Variants in PRR16 observed in about 807,000 individuals in gnomAD.
PRR16 encodes the protein protein Largen.
Under a neutral mutation model 18.2 loss-of-function variants are expected in PRR16, and 6 were observed. The observed-to-expected ratio is 0.33, with a 90% CI of 0.18 to 0.65. The LOEUF is 0.65. Ranked by LOEUF, PRR16 falls within the 30% of genes least tolerant of loss-of-function variation. The probability of loss-of-function intolerance (pLI) is 0.74; values close to 1 mark genes in which losing one functional copy is unlikely to be tolerated. For synonymous variants in PRR16, 151 were observed against 147.8 expected, an observed-to-expected ratio of 1.02 and a Z score of -0.16; for missense variants, 412 against 376.6, an observed-to-expected ratio of 1.09 and a Z score of -0.78.
intron 1 of PRR16, among the ~76,000 whole-genome samples, chr5:120,573,418 A>T (rs1466995531): frequency 4.6e-5 from 7 of 152,198 alleles, no homozygotes; most frequent in Non-Finnish European, 1.0e-4. Flanking sequence ...TCAACTGGCC[A>T]TAGTTCACAC....
intron 1 of PRR16, among the ~76,000 whole-genome samples, chr5:120,538,050 A>C (rs958645849): frequency 1.3e-5 from 2 of 152,130 alleles, no homozygotes; most frequent in Non-Finnish European, 2.9e-5. Flanking sequence ...TGCTGGGATT[A>C]CAGGCGTGAG....
At chr5:120,487,881 C>T (rs891280675) in intron 1 of PRR16, among the ~76,000 whole-genome samples, 1 of 152,126 alleles carries the variant, frequency 6.6e-6, no homozygotes, top group South Asian at 2.1e-4. Context: ...TTGTCAAAGG[C>T]CTTTTCTGCA....
At chr5:120,787,038 T>C in the PRR16 span, among the ~76,000 whole-genome samples, 2 of 152,160 alleles carry the variant, frequency 1.3e-5, no homozygotes, top group African/African-American at 4.8e-5. Context: ...AACCCGTTGA[T>C]ATGAAGAATG....
At chr5:120,527,711 A>G (rs1014366543) in intron 1 of PRR16, among the ~76,000 whole-genome samples, 1 of 152,176 alleles carries the variant, frequency 6.6e-6, no homozygotes, top group Non-Finnish European at 1.5e-5. Flanking sequence ...TTGCACTTGC[A>G]TGAGTGTTCT....
chr5:120,654,722 A>G (rs1755907547), intron 1 of PRR16, among the ~76,000 whole-genome samples: 1 of 152,022 alleles, frequency 6.6e-6, no homozygotes, highest in Non-Finnish European at 1.5e-5. Context: ...CTATGAAAAT[A>G]TGTAATAAAA....
the PRR16 span, among the ~76,000 whole-genome samples, chr5:120,755,903 G>C: frequency 6.6e-6 from 1 of 152,022 alleles, no homozygotes; most frequent in East Asian, 1.9e-4. Context: ...AGAGTGGGAG[G>C]GGGCTCAAGC....
In PRR16 at chr5:120,605,251, T is replaced by A. The variant is rs569017590; in HGVS notation, c.160-80703T>A. Among the ~76,000 whole-genome samples the A allele has an allele frequency of 2.0e-5, 3 of 152,314 alleles. 1 individual carries two copies. The highest frequency in any genetic ancestry group is 1.3e-4 in the Admixed American group (2 of 15,290). On this transcript the variant is annotated intron_variant, in intron 1 of 1. Coordinates refer to ENST00000407149, the MANE Select transcript of PRR16 (RefSeq NM_001300783.2). ...TTGGAGGTTTGTTCATTTCAAAAAATTTTTATTTTTTTCTACTTGAGTTGA... is the reference window on the plus strand; with the variant it reads ...TTGGAGGTTTGTTCATTTCAAAAAAATTTTATTTTTTTCTACTTGAGTTGA...
At chr5:120,651,284 T>C (rs956832297) in intron 1 of PRR16, among the ~76,000 whole-genome samples, 33 of 152,192 alleles carry the variant, frequency 2.2e-4, no homozygotes, top group African/African-American at 7.0e-4. Flanking sequence ...AGGTTGCCTG[T>C]TCACTCTGAT....
At chr5:120,693,477 T>C in the PRR16 span, among the ~76,000 whole-genome samples, 6 of 152,214 alleles carry the variant, frequency 3.9e-5, no homozygotes, top group East Asian at 1.2e-3. Flanking sequence ...AAATGCAAAA[T>C]GGATGAGGCA....
chr5:120,663,413 T>C lies in PRR16; in HGVS notation c.160-22541T>C, dbSNP rs181758033. On this transcript the variant is annotated intron_variant, in intron 1 of 1. Transcript: ENST00000407149. ...ATAAGTAAAAATCATGCATGTTTGC[T>C]GTTGAAAAGGTTAAAAAGGTTGAAC... Among the ~76,000 whole-genome samples, 442 of 152,022 alleles carry C rather than the reference T, an allele frequency of 2.9e-3. 2 individuals are homozygous for C. Among genetic ancestry groups the C allele is most frequent in the African/African-American group, 0.01 (422 of 41,528 alleles).
chr5:120,529,907 CTTT>C (rs540127776), intron 1 of PRR16, among the ~76,000 whole-genome samples: 1 of 149,960 alleles, frequency 6.7e-6, no homozygotes, highest in Non-Finnish European at 1.5e-5. Context: ...ATACAGCAGG[CTTT>C]TTTTTTCTTT....
intron 1 of PRR16, among the ~76,000 whole-genome samples, chr5:120,635,002 A>G (rs560356337): frequency 1.3e-5 from 2 of 152,266 alleles, no homozygotes; most frequent in African/African-American, 4.8e-5. Context: ...ACATACATAA[A>G]CTAGAAAACC....
At chr5:120,476,805 A>G (rs759843118) in intron 1 of PRR16, among the ~76,000 whole-genome samples, 1 of 152,148 alleles carries the variant, frequency 6.6e-6, no homozygotes, top group Non-Finnish European at 1.5e-5. Flanking sequence ...TCTTCTTTAC[A>G]AAAATAAAAA....
At position 120,642,095 on chromosome 5, in the gene PRR16, G is replaced by A. The variant is rs558857622; in HGVS notation, c.160-43859G>A. 1.3e-3 allele frequency among the ~76,000 whole-genome samples: 202 copies of A among 152,024 alleles called. 1 individual carries two copies. Among genetic ancestry groups the A allele is most frequent in the South Asian group, 2.3e-3 (11 of 4,814 alleles). ...ACCTCCCACACTTCTCTATTTATCC[G>A]TTCCTTTGCTCCTTCTTTTAGGCTG... On this transcript the variant is annotated intron_variant, in intron 1 of 1. Transcript: ENST00000407149.
the PRR16 span, among the ~76,000 whole-genome samples, chr5:120,701,369 A>G: frequency 6.6e-6 from 1 of 152,196 alleles, no homozygotes; most frequent in Non-Finnish European, 1.5e-5. Flanking sequence ...GGTTGCTGCC[A>G]AACAAGTCAT....
the PRR16 span, chr5:120,710,763 T>C: frequency 3.9e-5 from 6 of 152,276 alleles, no homozygotes; most frequent in South Asian, 6.2e-4. Context: ...TGGTGAGACA[T>C]TGAGAAAAGT....
At chr5:120,505,756 A>C (rs1450348676) in intron 1 of PRR16, among the ~76,000 whole-genome samples, 1 of 99,308 alleles carries the variant, frequency 1.0e-5, no homozygotes, top group Non-Finnish European at 2.3e-5. Flanking sequence ...TAAAACAAAT[A>C]AATTTTCATG....
chr5:120,489,939 G>T (rs1749965163), intron 1 of PRR16, among the ~76,000 whole-genome samples: 1 of 152,102 alleles, frequency 6.6e-6, no homozygotes, highest in Admixed American at 6.6e-5. Context: ...ATGAAATTCT[G>T]GGTTGAAAAT....
intron 1 of PRR16, among the ~76,000 whole-genome samples, chr5:120,562,203 C>G (rs1054268891): frequency 1.3e-5 from 2 of 152,098 alleles, no homozygotes; most frequent in Admixed American, 6.6e-5. Flanking sequence ...TATTCTGTTG[C>G]TGGATCAATC....
Sources: gnomAD v4.1 joint callset for allele counts (sites outside exome capture counted in the v4.1 genomes callset) on GRCh38, gnomAD v4.1.1 for gene constraint, MANE v1.5 for transcripts, NCBI Gene and HGNC (gene_info 2026-07-23, HGNC 2026-07-21) for gene names.